FAM13A: variants seen among roughly 807,000 people sequenced by gnomAD.
The protein encoded by FAM13A is family with sequence similarity 13 member A, also known as protein FAM13A.
In FAM13A, 76 loss-of-function variants were observed where a neutral mutation model predicts 129.6. The observed-to-expected ratio is 0.59, with a 90% CI of 0.49 to 0.71. The LOEUF is 0.71. Among genes scored for constraint, FAM13A ranks in the 30% least tolerant of loss-of-function variants. FAM13A has a pLI of 0.00. For synonymous variants in FAM13A, 443 were observed against 449.9 expected, an observed-to-expected ratio of 0.98 and a Z score of 0.20; for missense variants, 1,108 against 1,249.3, an observed-to-expected ratio of 0.89 and a Z score of 1.70.
At chr4:89,039,999 G>T (rs556403820) in intron 1 of FAM13A, among the ~76,000 whole-genome samples, 4 of 151,480 alleles carry the variant, frequency 2.6e-5, no homozygotes, top group Admixed American at 6.6e-5. Context: ...TGTCTCATCA[G>T]GACAACTGGG....
At chr4:88,866,981 A>C (rs997086207) in intron 6 of FAM13A, among the ~76,000 whole-genome samples, 1 of 152,214 alleles carries the variant, frequency 6.6e-6, no homozygotes, top group East Asian at 1.9e-4. Context: ...ATAATATCAT[A>C]AAGCAGTTAG....
At chr4:88,945,990 G>GTGTGTGTGTATATATATATATATATATA in intron 4 of FAM13A, among the ~76,000 whole-genome samples, 3 of 61,952 alleles carry the variant, frequency 4.8e-5, no homozygotes, top group South Asian at 6.1e-4. Context: ...GTGTGTGTGT[G>GTGTGTGTGTATATATATATATATATATA]TATATATATA....
chr4:88,771,286 G>A (rs1257121221), intron 11 of FAM13A, among the ~76,000 whole-genome samples: 2 of 151,920 alleles, frequency 1.3e-5, no homozygotes, highest in Non-Finnish European at 2.9e-5. Flanking sequence ...GGTTAGGGAG[G>A]AATGATTAAG....
At chr4:88,776,972 TCAAA>T (rs373186617) in intron 11 of FAM13A, among the ~76,000 whole-genome samples, 8,928 of 151,928 alleles carry the variant, frequency 0.059, 316 homozygotes, top group Non-Finnish European at 0.074. Context: ...AAACTCCATC[TCAAA>T]CAAACAAACA....
At chr4:88,770,461 T>C (rs1409266010) in intron 11 of FAM13A, among the ~76,000 whole-genome samples, 2 of 152,198 alleles carry the variant, frequency 1.3e-5, no homozygotes, top group African/African-American at 2.4e-5. Flanking sequence ...AATGAAATGA[T>C]ACATTCATAG....
At chr4:88,819,503 GATCCTTACCT>G (rs1731469991) in intron 7 of FAM13A, among the ~76,000 whole-genome samples, 3 of 152,050 alleles carry the variant, frequency 2.0e-5, no homozygotes, top group Admixed American at 2.0e-4. Flanking sequence ...ATAAAATAGA[GATCCTTACCT>G]ACATCCCCAC....
chr4:88,919,700 G>A (rs1242824672), intron 5 of FAM13A, among the ~76,000 whole-genome samples: 1 of 152,228 alleles, frequency 6.6e-6, no homozygotes, highest in East Asian at 1.9e-4. Context: ...GTGGGCGCAG[G>A]ACAGTGGGTG....
Position 88,750,549 on chromosome 4 carries a change from A to T in FAM13A, c.1815T>A (p.Arg605=), listed in dbSNP as rs1376618624. The T allele has an allele frequency of 6.2e-7, 1 of 1,614,144 alleles. No individual in the cohort carries two copies. Among genetic ancestry groups the T allele is most frequent in the Non-Finnish European group, 8.5e-7 (1 of 1,180,026 alleles). The change falls in exon 15 of 24, where the codon CGT becomes CGA. Residue 605 remains arginine, a synonymous_variant. Coordinates refer to ENST00000264344, the MANE Select transcript of FAM13A (RefSeq NM_014883.4). ...GGTCGCTGTCTTCGTCCAGCAGCTG[A>T]CGGATCAGGCGCCCAGCCTGCGGCG... ...HLSPQAGRLI[R]QLLDEDSDPM... is the part of the protein sequence containing the mutation.
chr4:88,969,670 G>C (rs1261680866), intron 4 of FAM13A, among the ~76,000 whole-genome samples: 1 of 152,178 alleles, frequency 6.6e-6, no homozygotes, highest in African/African-American at 2.4e-5. Flanking sequence ...AACATTTACT[G>C]AGTGTATACT....
intron 1 of FAM13A, among the ~76,000 whole-genome samples, chr4:89,045,106 A>C (rs1341573413): frequency 6.6e-6 from 1 of 152,216 alleles, no homozygotes; most frequent in Admixed American, 6.5e-5. Context: ...CAATAAAAAA[A>C]GTTAAAGAAT....
chr4:89,048,047 T>C (rs1771091994), intron 1 of FAM13A, among the ~76,000 whole-genome samples: 1 of 152,102 alleles, frequency 6.6e-6, no homozygotes, highest in African/African-American at 2.4e-5. Context: ...GAACATAAAA[T>C]GGTACAACCA....
intron 6 of FAM13A, among the ~76,000 whole-genome samples, chr4:88,894,914 T>G (rs1561273963): frequency 6.6e-6 from 1 of 152,250 alleles, no homozygotes; most frequent in Non-Finnish European, 1.5e-5. Flanking sequence ...GCTACTTATA[T>G]CCTTTAATTC....
intron 1 of FAM13A, among the ~76,000 whole-genome samples, chr4:89,036,603 C>T (rs934600430): frequency 6.6e-6 from 1 of 152,170 alleles, no homozygotes; most frequent in Non-Finnish European, 1.5e-5. Flanking sequence ...GCTGAACATT[C>T]AGAGGAACTG....
At chr4:88,910,551 C>G (rs1350910390) in intron 5 of FAM13A, among the ~76,000 whole-genome samples, 1 of 152,082 alleles carries the variant, frequency 6.6e-6, no homozygotes, top group African/African-American at 2.4e-5. Flanking sequence ...ATATTAATCA[C>G]TACCTCCCTC....
intron 9 of FAM13A, among the ~76,000 whole-genome samples, chr4:88,789,573 A>T (rs1223278090): frequency 6.6e-6 from 1 of 152,146 alleles, no homozygotes; most frequent in African/African-American, 2.4e-5. Context: ...TTCAGTGACT[A>T]TTTATTTAGT....
chr4:88,868,408 TA>T (rs1740806337), intron 6 of FAM13A, among the ~76,000 whole-genome samples: 1 of 152,204 alleles, frequency 6.6e-6, no homozygotes, highest in South Asian at 2.1e-4. Context: ...GTCCAGCTTT[TA>T]TCTGTTTACT....
At chr4:88,812,607 AGCCATCTCTAGCACCCTGGAGAGG>A (rs1323192441) in intron 7 of FAM13A, among the ~76,000 whole-genome samples, 2 of 152,182 alleles carry the variant, frequency 1.3e-5, no homozygotes, top group Non-Finnish European at 2.9e-5. Flanking sequence ...TAATCTGGGA[AGCCATCTCTAGCACCCTGGAGAGG>A]GAGTTGCTTC....
intron 21 of FAM13A, 23 bp from the exon 22 acceptor site, chr4:88,732,221 A>G (rs2869661): frequency 0.036 from 55,432 of 1,555,830 alleles, 1,280 homozygotes; most frequent in Middle Eastern, 0.099. Flanking sequence ...AGCAACCCCA[A>G]TAAAAATCTG....
chr4:88,812,165 C>T (rs1056313130), intron 7 of FAM13A, among the ~76,000 whole-genome samples: 6 of 152,134 alleles, frequency 3.9e-5, no homozygotes, highest in African/African-American at 1.4e-4. Flanking sequence ...AGTCTCTGTT[C>T]ATTATAAATT....
Sources: gnomAD v4.1 joint callset for allele counts (sites outside exome capture counted in the v4.1 genomes callset) on GRCh38, gnomAD v4.1.1 for gene constraint, MANE v1.5 for transcripts, NCBI Gene and HGNC (gene_info 2026-07-23, HGNC 2026-07-21) for gene names.